ADAMTS2: variants seen among roughly 807,000 people sequenced by gnomAD.
ADAMTS2 encodes the protein A disintegrin and metalloproteinase with thrombospondin motifs 2.
A neutral mutation model predicts 123.0 loss-of-function variants in ADAMTS2; 50 were observed. The observed-to-expected ratio is 0.41, with a 90% CI of 0.32 to 0.51. ADAMTS2 has a LOEUF of 0.51. ADAMTS2 is among the 20% of genes least tolerant of loss of function. The pLI, the probability that ADAMTS2 is intolerant of heterozygous loss-of-function variation, is 0.35. For synonymous variants in ADAMTS2, 678 were observed against 695.4 expected, an observed-to-expected ratio of 0.98 and a Z score of 0.39; for missense variants, 1,494 against 1,705.2, an observed-to-expected ratio of 0.88 and a Z score of 2.18.
chr5:179,186,773 C>G (rs1188333309), intron 4 of ADAMTS2, among the ~76,000 whole-genome samples: 2 of 151,374 alleles, frequency 1.3e-5, no homozygotes, highest in Non-Finnish European at 2.9e-5. Context: ...CCCGGCCCCA[C>G]CCACTTTCTC....
chr5:179,203,635 G>T (rs552714083), intron 4 of ADAMTS2, among the ~76,000 whole-genome samples: 8 of 152,334 alleles, frequency 5.3e-5, no homozygotes, highest in Admixed American at 3.9e-4. Context: ...CAGCCACACT[G>T]CGGCTTCCAT....
In ADAMTS2 at chr5:179,207,680, C is replaced by A; in HGVS notation, c.724G>T (p.Ala242Ser). Residue 242 changes from alanine (A) to serine (S), a missense_variant, in exon 4 of 22, where the codon GCC (alanine) becomes TCC (serine). Ala to Ser is a moderately conservative substitution (Grantham distance 99). Transcript: ENST00000251582. Reference protein sequence around the residue: ...SLDSLDSLSRALGVLEEHANS... With the variant: ...SLDSLDSLSRSLGVLEEHANS... The stretch of plus-strand genomic sequence containing the variant: ...GCGTGCTCCTCTAGGACGCCCAGGG[C>A]GCGGCTGAGGCTGTCCAGGCTGTCC... The A allele has an allele frequency of 6.2e-7, 1 of 1,613,100 alleles. No individual in the cohort carries two copies. The highest frequency in any genetic ancestry group is 8.5e-7 in the Non-Finnish European group (1 of 1,180,020).
chr5:179,283,132 G>A (rs1766964680), intron 2 of ADAMTS2, among the ~76,000 whole-genome samples: 1 of 152,038 alleles, frequency 6.6e-6, no homozygotes, highest in Non-Finnish European at 1.5e-5. Flanking sequence ...GGCAAGTGGG[G>A]AAATCACAGG....
chr5:179,339,342 G>A (rs1018647154), intron 2 of ADAMTS2, among the ~76,000 whole-genome samples: 3 of 152,194 alleles, frequency 2.0e-5, no homozygotes, highest in Non-Finnish European at 4.4e-5. Context: ...CTGGTGGGCC[G>A]GGGGTTGAGG....
chr5:179,197,190 A>G lies in ADAMTS2; in HGVS notation c.891+10323T>C, dbSNP rs1418714242. ...GCGCTGGCCTTGCTGCAGGCTGGGT[A>G]TCACCCACTGCAATGGTCTGCCTCC... On this transcript the variant is annotated intron_variant, in intron 4 of 21. Coordinates refer to ENST00000251582, the MANE Select transcript of ADAMTS2 (RefSeq NM_014244.5). This position sits in a 1 kb window ranked among gnomAD's most constrained non-coding sequence, Gnocchi z 4.2. 1.3e-5 allele frequency among the ~76,000 whole-genome samples: 2 copies of G among 152,212 alleles called. No individual in the cohort carries two copies. Among genetic ancestry groups the G allele is most frequent in the African/African-American group, 4.8e-5 (2 of 41,454 alleles).
In ADAMTS2 at chr5:179,129,883, C is replaced by G. The variant is rs769079273; in HGVS notation, c.2457+49G>C. ...CGTCCCAGGCACCCCCATCCCTCCC[C>G]CAGTGGCCACCCGCACCCTTCCCTG... On this transcript the variant is annotated intron_variant, in intron 16 of 21. Transcript: ENST00000251582. This position sits in a 1 kb window ranked among gnomAD's most constrained non-coding sequence, Gnocchi z 4.1. The G allele has an allele frequency of 1.2e-6, 2 of 1,609,678 alleles. No individual in the cohort carries two copies. Among genetic ancestry groups the G allele is most frequent in the African/African-American group, 2.7e-5 (2 of 74,878 alleles).
Position 179,273,172 on chromosome 5 carries a change from C to T in ADAMTS2, c.535-108G>A, listed in dbSNP as rs951084076. 7.2e-6 allele frequency: 11 copies of T among 1,519,036 alleles called. No individual in the cohort carries two copies. The African/African-American group carries it at 1.5e-4, about 21-fold the overall frequency. 94.1% of individuals were successfully genotyped at this position (1,519,036 alleles called of 1,614,324 possible). A position where few individuals can be genotyped will look rare whatever the true frequency, so the allele number is the denominator to read the frequency against. On this transcript the variant is annotated intron_variant, in intron 2 of 21. Transcript: ENST00000251582. Reference sequence around the variant, plus strand: ...GTACCTCCCACCTGAAGACCCTGCCCAGCACCCCAGCTGGTGCTCAGCTTG... The same window carrying T: ...GTACCTCCCACCTGAAGACCCTGCCTAGCACCCCAGCTGGTGCTCAGCTTG...
chr5:179,167,935 G>T (rs1035667523), intron 5 of ADAMTS2, among the ~76,000 whole-genome samples: 1 of 152,154 alleles, frequency 6.6e-6, no homozygotes, highest in African/African-American at 2.4e-5. Flanking sequence ...TGGCCTACCC[G>T]CTGGGGCTGG....
At position 179,225,883 on chromosome 5, in the gene ADAMTS2, C is replaced by A. The variant is rs1024336841; in HGVS notation, c.689-18168G>T. Among the ~76,000 whole-genome samples the A allele has an allele frequency of 1.3e-5, 2 of 152,196 alleles. No homozygotes were observed. Among genetic ancestry groups the A allele is most frequent in the Non-Finnish European group, 2.9e-5 (2 of 68,036 alleles). The stretch of plus-strand genomic sequence containing the variant: ...AGATACAGAAAGCCCTCTGTCCTTG[C>A]GACAAGGTAGAGGGTCTAACTGAGC... On this transcript the variant is annotated intron_variant, in intron 3 of 21. Coordinates refer to ENST00000251582, the MANE Select transcript of ADAMTS2 (RefSeq NM_014244.5). This position sits in a 1 kb window ranked among gnomAD's most constrained non-coding sequence, Gnocchi z 4.5.
intron 2 of ADAMTS2, among the ~76,000 whole-genome samples, chr5:179,330,166 A>G (rs1757446196): frequency 6.6e-6 from 1 of 150,832 alleles, no homozygotes; most frequent in South Asian, 2.1e-4. Context: ...ACAAGTTTCA[A>G]CAATAACACG....
intron 4 of ADAMTS2, among the ~76,000 whole-genome samples, chr5:179,198,375 C>T (rs1764477130): frequency 6.6e-6 from 1 of 152,200 alleles, no homozygotes; most frequent in South Asian, 2.1e-4. Flanking sequence ...TCCTCCTAGC[C>T]TCACAGTGCT....
At chr5:179,337,962 C>T (rs1757666196) in intron 2 of ADAMTS2, among the ~76,000 whole-genome samples, 1 of 151,774 alleles carries the variant, frequency 6.6e-6, no homozygotes, top group Non-Finnish European at 1.5e-5. Context: ...GCTGACTCTG[C>T]AGGAGGGCCT....
intron 3 of ADAMTS2, among the ~76,000 whole-genome samples, chr5:179,246,777 C>T (rs1408962651): frequency 1.3e-5 from 2 of 152,184 alleles, no homozygotes; most frequent in Admixed American, 1.3e-4. Context: ...AAGTCTCTGT[C>T]AAATCACTAG....
intron 2 of ADAMTS2, among the ~76,000 whole-genome samples, chr5:179,328,833 ATCT>A (rs983169128): frequency 6.6e-6 from 1 of 152,186 alleles, no homozygotes; most frequent in African/African-American, 2.4e-5. Flanking sequence ...ATCTGAATCA[ATCT>A]TCTTATTTCC....
chr5:179,154,170 G>T lies in ADAMTS2; in HGVS notation c.1261C>A (p.Gln421Lys). Residue 421 changes from glutamine (Q) to lysine (K), a missense_variant, in exon 8 of 22, where the codon CAG (glutamine) becomes AAG (lysine). By Grantham distance (53) the Gln-to-Lys change is moderately conservative. Coordinates refer to ENST00000251582, the MANE Select transcript of ADAMTS2 (RefSeq NM_014244.5). ...ACCTCGTCGCCACAGCGGTTGCCCTGCCCGTCGTGCTCCATGCCCAGCCTG... is the reference window on the plus strand; with the variant it reads ...ACCTCGTCGCCACAGCGGTTGCCCTTCCCGTCGTGCTCCATGCCCAGCCTG... ...GHVLGMEHDG[Q>K]GNRCGDEVRL... is the part of the protein sequence containing the mutation. The T allele has an allele frequency of 6.4e-7, 1 of 1,563,814 alleles. No homozygotes were observed.
chr5:179,232,831 A>G (rs1765439621), intron 3 of ADAMTS2, among the ~76,000 whole-genome samples: 1 of 151,290 alleles, frequency 6.6e-6, no homozygotes, highest in East Asian at 1.9e-4. Context: ...GTTTGTATAC[A>G]TTCTTCTTCT....
At chr5:179,338,597 C>A (rs1389462554) in intron 2 of ADAMTS2, among the ~76,000 whole-genome samples, 1 of 152,230 alleles carries the variant, frequency 6.6e-6, no homozygotes, top group Non-Finnish European at 1.5e-5. Context: ...GAGTCTCATT[C>A]CAGACCAGCA....
intron 2 of ADAMTS2, among the ~76,000 whole-genome samples, chr5:179,337,136 G>A (rs114541881): frequency 0.01 from 1,540 of 152,194 alleles, 26 homozygotes; most frequent in African/African-American, 0.035. Flanking sequence ...TGAAACATAC[G>A]CAGCAGAGTG....
intron 3 of ADAMTS2, among the ~76,000 whole-genome samples, chr5:179,212,952 A>C (rs2113387635): frequency 6.6e-6 from 1 of 152,198 alleles, no homozygotes; most frequent in South Asian, 2.1e-4. Context: ...TGCTGGCCAA[A>C]TTTAGGCCCC....
Sources: allele counts gnomAD v4.1 joint callset (sites outside exome capture counted in the v4.1 genomes callset), GRCh38; gene constraint gnomAD v4.1.1; non-coding constraint Gnocchi (gnomAD v3.1); transcripts MANE v1.5; gene names NCBI Gene and HGNC (gene_info 2026-07-23, HGNC 2026-07-21).